RAP1A: variants seen among roughly 807,000 people sequenced by gnomAD.
The protein encoded by RAP1A is ras-related protein Rap-1A.
In RAP1A, 6 loss-of-function variants were observed where a neutral mutation model predicts 26.4. The ratio of observed to expected loss-of-function variants is 0.23; its 90% CI spans 0.12 to 0.45. RAP1A has a LOEUF of 0.45. Among genes scored for constraint, RAP1A ranks in the 20% least tolerant of loss-of-function variants. RAP1A has a pLI of 0.99. For synonymous variants in RAP1A, 73 were observed against 79.4 expected (o/e 0.92, Z 0.43); for missense variants, 121 against 217.2 (o/e 0.56, Z 2.78).
At chr1:111,553,504 A>G (rs1264254979) in intron 1 of RAP1A, among the ~76,000 whole-genome samples, 1 of 152,238 alleles carries the variant, frequency 6.6e-6, no homozygotes, top group African/African-American at 2.4e-5. Context: ...CATGCAGAGT[A>G]AAATCTCCAG....
intron 3 of RAP1A, 22 bp downstream of exon 3, chr1:111,695,431 C>T (rs1197451070): frequency 6.8e-7 from 1 of 1,479,308 alleles, no homozygotes; most frequent in South Asian, 1.3e-5. Flanking sequence ...AACTTGTACA[C>T]ACATGCTTAC....
At chr1:111,623,581 AT>A (rs1314982102) in intron 1 of RAP1A, among the ~76,000 whole-genome samples, 1 of 149,906 alleles carries the variant, frequency 6.7e-6, no homozygotes, top group South Asian at 2.1e-4. Context: ...TAATTTTTGT[AT>A]TTTTTTTTAG....
At chr1:111,646,867 A>G (rs1277695618) in intron 1 of RAP1A, among the ~76,000 whole-genome samples, 1 of 152,158 alleles carries the variant, frequency 6.6e-6, no homozygotes, top group African/African-American at 2.4e-5. Flanking sequence ...ACACAGAACT[A>G]GTTGATTTAT....
chr1:111,662,037 T>C (rs891958880), intron 1 of RAP1A, among the ~76,000 whole-genome samples: 1 of 152,144 alleles, frequency 6.6e-6, no homozygotes, highest in African/African-American at 2.4e-5. Flanking sequence ...AACTGATTCA[T>C]CTCTCATGAA....
chr1:111,555,361 G>GAAA (rs1657442504), intron 1 of RAP1A, among the ~76,000 whole-genome samples: 1 of 11,220 alleles, frequency 8.9e-5, no homozygotes, highest in African/African-American at 6.0e-4. Flanking sequence ...CTGAGACTCT[G>GAAA]TAAAAAAAAA....
intron 1 of RAP1A, among the ~76,000 whole-genome samples, chr1:111,545,562 G>C (rs201539922): frequency 6.6e-6 from 1 of 151,930 alleles, no homozygotes; most frequent in African/African-American, 2.4e-5. Flanking sequence ...ATTTTCCCCC[G>C]TTCTCTGGTT....
intron 1 of RAP1A, among the ~76,000 whole-genome samples, chr1:111,680,367 G>T (rs1661253881): frequency 6.6e-6 from 1 of 152,120 alleles, no homozygotes; most frequent in Admixed American, 6.5e-5. Flanking sequence ...CTGCTGATTG[G>T]TCCATTTTAC....
intron 1 of RAP1A, among the ~76,000 whole-genome samples, chr1:111,683,784 A>C (rs971856262): frequency 1.2e-4 from 18 of 152,342 alleles, no homozygotes; most frequent in Admixed American, 1.2e-3. Context: ...CAACAGAAGA[A>C]GAGCGACTGC....
intron 1 of RAP1A, among the ~76,000 whole-genome samples, chr1:111,668,013 C>G (rs1660852415): frequency 6.6e-6 from 1 of 152,218 alleles, no homozygotes; most frequent in Non-Finnish European, 1.5e-5. Context: ...CACCCCTACT[C>G]CTGCCAACTC....
chr1:111,556,351 A>G (rs1448948089), intron 1 of RAP1A, among the ~76,000 whole-genome samples: 1 of 152,212 alleles, frequency 6.6e-6, no homozygotes, highest in Non-Finnish European at 1.5e-5. Flanking sequence ...CAAGTGCTAT[A>G]TAAAATAGTA....
At chr1:111,688,265 CTGTGTGTG>C (rs60277735) in intron 1 of RAP1A, among the ~76,000 whole-genome samples, 1,713 of 135,422 alleles carry the variant, frequency 0.013, 33 homozygotes, top group African/African-American at 0.043. Flanking sequence ...CACAAGAAGT[CTGTGTGTG>C]TGTGTGTGTG....
At chr1:111,568,888 C>T (rs532238777) in intron 1 of RAP1A, among the ~76,000 whole-genome samples, 1 of 152,282 alleles carries the variant, frequency 6.6e-6, no homozygotes, top group African/African-American at 2.4e-5. Flanking sequence ...TGTGATGATT[C>T]ACTTCCACTT....
chr1:111,705,139 C>A (rs1372757888), intron 6 of RAP1A, among the ~76,000 whole-genome samples: 1 of 152,170 alleles, frequency 6.6e-6, no homozygotes, highest in Non-Finnish European at 1.5e-5. Context: ...GTTTACTGGG[C>A]CCCTAAAAAT....
At chr1:111,658,789 A>C (rs188415166) in intron 1 of RAP1A, among the ~76,000 whole-genome samples, 5 of 152,294 alleles carry the variant, frequency 3.3e-5, no homozygotes, top group Non-Finnish European at 7.4e-5. Context: ...TTCAGCTACG[A>C]CCTTACTGAT....
intron 6 of RAP1A, among the ~76,000 whole-genome samples, chr1:111,705,637 G>A (rs1459023557): frequency 6.6e-6 from 1 of 152,134 alleles, no homozygotes; most frequent in Non-Finnish European, 1.5e-5. Flanking sequence ...ACTATTGTGT[G>A]TCTGGCACTG....
chr1:111,586,074 G>A (rs72695255), intron 1 of RAP1A, among the ~76,000 whole-genome samples: 4,819 of 152,176 alleles, frequency 0.032, 110 homozygotes, highest in Non-Finnish European at 0.047. Flanking sequence ...CTTGATTCTT[G>A]TTCTTTTCAG....
At chr1:111,588,821 C>G (rs1285145300) in intron 1 of RAP1A, among the ~76,000 whole-genome samples, 1 of 152,142 alleles carries the variant, frequency 6.6e-6, no homozygotes, top group Non-Finnish European at 1.5e-5. Flanking sequence ...AATATACCCT[C>G]CATGAAAGCA....
At chr1:111,602,376 A>G (rs1019679355) in intron 1 of RAP1A, 1 of 152,228 alleles carries the variant, frequency 6.6e-6, no homozygotes, top group Non-Finnish European at 1.5e-5. Flanking sequence ...AATGGGGATA[A>G]TAATATCTAC....
intron 1 of RAP1A, among the ~76,000 whole-genome samples, chr1:111,646,434 AC>A (rs58124326): frequency 0.2 from 29,006 of 144,716 alleles, 3,605 homozygotes; most frequent in African/African-American, 0.34. Flanking sequence ...AAAAAAAAAA[AC>A]AAAACAAAAC....
Sources: gnomAD v4.1 joint callset for allele counts (sites outside exome capture counted in the v4.1 genomes callset) on GRCh38, gnomAD v4.1.1 for gene constraint, MANE v1.5 for transcripts, NCBI Gene and HGNC (gene_info 2026-07-23, HGNC 2026-07-21) for gene names.